The following SETD3 variants were observed in gnomAD, a reference collection of about 807,000 sequenced individuals.
The protein encoded by SETD3 is SET domain containing 3, actin N3(tau)-histidine methyltransferase, also known as actin-histidine N-methyltransferase.
In SETD3, 19 loss-of-function variants were observed where a neutral mutation model predicts 63.0. The ratio of observed to expected loss-of-function variants is 0.30; its 90% CI spans 0.21 to 0.44. The LOEUF (loss-of-function observed/expected upper bound fraction) is 0.44. SETD3 is among the 20% of genes least tolerant of loss of function. The pLI is 1.00. For synonymous variants in SETD3, 286 were observed against 264.1 expected (o/e 1.08, Z -0.80); for missense variants, 587 against 728.5 (o/e 0.81, Z 2.24).
intron 6 of SETD3, among the ~76,000 whole-genome samples, chr14:99,444,152 C>G (rs1396269885): frequency 1.3e-5 from 2 of 152,158 alleles, no homozygotes; most frequent in Non-Finnish European, 2.9e-5. Flanking sequence ...ACAAAAACAT[C>G]AGTGGAAAAG....
At chr14:99,485,791 C>T (rs973981276), upstream of SETD3, among the ~76,000 whole-genome samples, 7 of 151,980 alleles carry the variant, frequency 4.6e-5, no homozygotes, top group Admixed American at 2.0e-4. Context: ...ACCCTGGAGG[C>T]GGGAGGTTGC....
chr14:99,435,013 TA>T (rs200536420), intron 6 of SETD3, among the ~76,000 whole-genome samples: 4 of 151,932 alleles, frequency 2.6e-5, no homozygotes, highest in South Asian at 2.1e-4. Context: ...CCCAGCCTTT[TA>T]AAAAAAATTA....
At chr14:99,454,013 C>A (rs1394942198) in intron 6 of SETD3, among the ~76,000 whole-genome samples, 2 of 152,156 alleles carry the variant, frequency 1.3e-5, no homozygotes, top group African/African-American at 4.8e-5. Context: ...CACACTGGAG[C>A]GTGAGACAAC....
chr14:99,403,451 A>ACTCTCTCTCT (rs1316443573), intron 11 of SETD3, among the ~76,000 whole-genome samples: 584 of 106,794 alleles, frequency 5.5e-3, no homozygotes, highest in Non-Finnish European at 6.6e-3. Context: ...ACACACACAC[A>ACTCTCTCTCT]CACACTCTCT....
upstream of SETD3, chr14:99,481,241 C>CT: frequency 2.5e-6 from 1 of 395,304 alleles, no homozygotes; most frequent in Middle Eastern, 6.3e-4. Flanking sequence ...GCTCCTCCCT[C>CT]TGTAAGCAGC....
chr14:99,475,267 C>T (rs987397472), intron 1 of SETD3, among the ~76,000 whole-genome samples: 15 of 152,322 alleles, frequency 9.8e-5, no homozygotes, highest in African/African-American at 2.4e-4. Flanking sequence ...CTCAATCCCA[C>T]GCGTGTTTAA....
At chr14:99,425,319 T>C (rs1892821807) in intron 6 of SETD3, among the ~76,000 whole-genome samples, 1 of 152,174 alleles carries the variant, frequency 6.6e-6, no homozygotes, top group Non-Finnish European at 1.5e-5. Context: ...TTAACTCTCC[T>C]AGAGTAGGAG....
chr14:99,413,024 G>A lies in SETD3; in HGVS notation c.776C>T (p.Pro259Leu). ...GGTCACGCGGGAACCATCCTCTGTG[G>A]GAATTTGGTTTTGCCTCGTCATAAC... ...SSVMTRQNQIPTEDGSRVTLA... is the reference protein window; with the variant it reads ...SSVMTRQNQILTEDGSRVTLA... The change falls in exon 8 of 13, where the codon CCC becomes CTC. Residue 259 changes from proline to leucine, a missense_variant. By Grantham distance (98) the Pro-to-Leu change is moderately conservative. Coordinates refer to ENST00000331768, the MANE Select transcript of SETD3 (RefSeq NM_032233.3). The A allele has an allele frequency of 1.2e-6, 2 of 1,614,052 alleles. No homozygotes were observed. The highest frequency in any genetic ancestry group is 1.7e-5 in the Admixed American group (1 of 60,024).
intron 6 of SETD3, among the ~76,000 whole-genome samples, chr14:99,441,228 C>G (rs182173687): frequency 2.6e-5 from 4 of 152,316 alleles, no homozygotes; most frequent in Non-Finnish European, 2.9e-5. Flanking sequence ...GACCTCACTC[C>G]TTTTATATCT....
At chr14:99,455,585 G>A (rs1239530455) in intron 6 of SETD3, among the ~76,000 whole-genome samples, 4 of 152,178 alleles carry the variant, frequency 2.6e-5, no homozygotes, top group Non-Finnish European at 4.4e-5. Context: ...ATCAGCTAAC[G>A]AGAAGACATT....
At chr14:99,449,816 G>A (rs933952642) in intron 6 of SETD3, among the ~76,000 whole-genome samples, 1 of 152,220 alleles carries the variant, frequency 6.6e-6, no homozygotes, top group South Asian at 2.1e-4. Context: ...AGTGAAGCTA[G>A]GTGAAGTGTA....
intron 4 of SETD3, 90 bp downstream of exon 4, chr14:99,461,102 C>G (rs1895038414): frequency 6.8e-7 from 1 of 1,461,140 alleles, no homozygotes; most frequent in South Asian, 1.3e-5. Flanking sequence ...AACTCCCCCA[C>G]CACACGTCTA....
chr14:99,410,331 A>AC, intron 8 of SETD3: 4 of 1,397,438 alleles, frequency 2.9e-6, no homozygotes, highest in Non-Finnish European at 4.0e-6. Flanking sequence ...TTGAGACTGT[A>AC]AGACTCATCT....
chr14:99,444,012 G>A (rs889803630), intron 6 of SETD3, among the ~76,000 whole-genome samples: 5 of 152,078 alleles, frequency 3.3e-5, no homozygotes, highest in African/African-American at 4.8e-5. Flanking sequence ...TTACTCCCAC[G>A]CAGCCAGGTT....
At chr14:99,410,026 G>A (rs754455144) in intron 8 of SETD3, 36 of 504,340 alleles carry the variant, frequency 7.1e-5, no homozygotes, top group Non-Finnish European at 9.0e-5. Context: ...AGAAACAAGC[G>A]GATCTGGACA....
At chr14:99,485,493 G>T (rs1178551372), upstream of SETD3, among the ~76,000 whole-genome samples, 1 of 152,034 alleles carries the variant, frequency 6.6e-6, no homozygotes, top group Non-Finnish European at 1.5e-5. Context: ...TCTTTCTAAG[G>T]TTAACTTTCT....
chr14:99,479,487 C>T (rs1189431650), intron 1 of SETD3, among the ~76,000 whole-genome samples: 1 of 152,136 alleles, frequency 6.6e-6, no homozygotes, highest in African/African-American at 2.4e-5. Context: ...CTTTATTTTG[C>T]TATATTCTTG....
chr14:99,439,573 A>G (rs1025001170), intron 6 of SETD3, among the ~76,000 whole-genome samples: 5 of 148,774 alleles, frequency 3.4e-5, no homozygotes, highest in Non-Finnish European at 7.4e-5. Flanking sequence ...TGAAATACAT[A>G]TATTTATATA....
intron 6 of SETD3, among the ~76,000 whole-genome samples, chr14:99,438,654 G>A (rs1185909470): frequency 1.3e-5 from 2 of 152,184 alleles, no homozygotes; most frequent in East Asian, 1.9e-4. Context: ...GGATTCACCA[G>A]GCTAAGTAGT....
Sources: gnomAD v4.1 joint callset for allele counts (sites outside exome capture counted in the v4.1 genomes callset) on GRCh38, gnomAD v4.1.1 for gene constraint, MANE v1.5 for transcripts, NCBI Gene and HGNC (gene_info 2026-07-23, HGNC 2026-07-21) for gene names.